Variants in PCTP observed in about 807,000 individuals in gnomAD.
PCTP encodes phosphatidylcholine transfer protein.
Under a neutral mutation model 31.0 loss-of-function variants are expected in PCTP, and 27 were observed. The ratio of observed to expected loss-of-function variants is 0.87; its 90% CI spans 0.64 to 1.20. The LOEUF is 1.20. PCTP is among the 50% of genes most tolerant of loss of function. The pLI, the probability that PCTP is intolerant of heterozygous loss-of-function variation, is 0.00. For missense variants in PCTP, 287 were observed against 268.2 expected (o/e 1.07, Z -0.49); for synonymous variants, 108 against 101.2 (o/e 1.07, Z -0.40).
intron 3 of PCTP, among the ~76,000 whole-genome samples, chr17:55,788,585 G>A (rs887809395): frequency 1.3e-5 from 2 of 152,084 alleles, no homozygotes; most frequent in African/African-American, 4.8e-5. Flanking sequence ...TTATAATTAT[G>A]TATAGACTTA....
intron 3 of PCTP, among the ~76,000 whole-genome samples, chr17:55,788,437 G>T (rs1911829006): frequency 6.6e-6 from 1 of 152,084 alleles, no homozygotes; most frequent in Non-Finnish European, 1.5e-5. Context: ...TACTTATGGG[G>T]ATTATGTTAT....
downstream of PCTP, among the ~76,000 whole-genome samples, chr17:55,781,775 C>T (rs1202181783): frequency 6.6e-6 from 1 of 152,058 alleles, no homozygotes; most frequent in Non-Finnish European, 1.5e-5. Context: ...CCTAGGAAAA[C>T]GGGTTACTCC....
the PCTP span, among the ~76,000 whole-genome samples, chr17:55,849,952 G>A: frequency 6.6e-6 from 1 of 151,818 alleles, no homozygotes; most frequent in African/African-American, 2.4e-5. Context: ...AGTGGATTTT[G>A]GTTTATATTA....
exon 4 of PCTP, chr17:55,823,028 G>A (rs995687047): frequency 1.4e-5 from 5 of 354,698 alleles, no homozygotes; most frequent in Non-Finnish European, 2.5e-5. Context: ...ATTCACAGAT[G>A]TGTTCACTAT....
intron 2 of PCTP, 131 bp from the exon 3 acceptor site, chr17:55,770,975 G>T: frequency 9.6e-6 from 6 of 624,632 alleles, no homozygotes; most frequent in East Asian, 2.9e-5. Context: ...TTGAGCAATT[G>T]ACTCACCTTG....
rs370999589 is a variant in PCTP, at chr17:55,771,198, C to G, written c.339+13C>G. On this transcript the variant is annotated intron_variant, in intron 3 of 5. Transcript: ENST00000268896. Reference sequence around the variant, plus strand: ...GTCCAACAGAGACGTATCCTTTCCACAAGGTACTCATTCCCTGGCCCTCTA... The same window carrying G: ...GTCCAACAGAGACGTATCCTTTCCAGAAGGTACTCATTCCCTGGCCCTCTA... 6.3e-7 allele frequency: 1 copy of G among 1,583,920 alleles called. No individual in the cohort carries two copies. The highest frequency in any genetic ancestry group is 2.2e-5 in the East Asian group (1 of 44,764).
intron 3 of PCTP, among the ~76,000 whole-genome samples, chr17:55,792,172 G>A (rs182392014): frequency 3.1e-4 from 34 of 109,826 alleles, no homozygotes; most frequent in African/African-American, 1.2e-3. Context: ...GGGGGGAGGG[G>A]GGAGGGTTAG....
chr17:55,846,032 G>C (rs781621067), downstream of PCTP, among the ~76,000 whole-genome samples: 19 of 151,888 alleles, frequency 1.3e-4, no homozygotes, highest in Non-Finnish European at 2.2e-4. Flanking sequence ...TGTAGGTTCA[G>C]GTTTTTCTTT....
chr17:55,792,305 A>G (rs1462309618), intron 3 of PCTP, among the ~76,000 whole-genome samples: 1 of 145,396 alleles, frequency 6.9e-6, no homozygotes, highest in East Asian at 1.9e-4. Flanking sequence ...TTAAAGTATA[A>G]TAATAATAAA....
At chr17:55,786,169 A>G (rs1911737491) in intron 2 of PCTP, among the ~76,000 whole-genome samples, 1 of 143,602 alleles carries the variant, frequency 7.0e-6, no homozygotes, top group South Asian at 2.1e-4. Flanking sequence ...CTGTAATCCC[A>G]GCTACTCGGG....
At chr17:55,753,317 T>G (rs1240570242) in intron 1 of PCTP, among the ~76,000 whole-genome samples, 1 of 152,214 alleles carries the variant, frequency 6.6e-6, no homozygotes, top group Non-Finnish European at 1.5e-5. Flanking sequence ...TGAGAAGCAG[T>G]GATCTTATCA....
chr17:55,774,383 GAGTGTGGCCTTGAGTCCTAGGCAAAA>G (rs1911189834), intron 4 of PCTP, among the ~76,000 whole-genome samples: 1 of 152,218 alleles, frequency 6.6e-6, no homozygotes, highest in Non-Finnish European at 1.5e-5. Context: ...CTACCAGAAT[GAGTGTGGCCTTGAGTCCTAGGCAAAA>G]ATCTGAACTA....
At chr17:55,790,683 T>C (rs1366860275) in intron 3 of PCTP, among the ~76,000 whole-genome samples, 1 of 151,640 alleles carries the variant, frequency 6.6e-6, no homozygotes, top group African/African-American at 2.4e-5. Flanking sequence ...GAACATTCCA[T>C]GCACATGGGT....
At chr17:55,843,998 T>C (rs1022620025), downstream of PCTP, among the ~76,000 whole-genome samples, 1 of 152,312 alleles carries the variant, frequency 6.6e-6, no homozygotes, top group African/African-American at 2.4e-5. Flanking sequence ...CAGTTTACCA[T>C]GAGAGCCTAC....
At chr17:55,766,175 C>T (rs1040580189) in intron 1 of PCTP, among the ~76,000 whole-genome samples, 1 of 152,050 alleles carries the variant, frequency 6.6e-6, no homozygotes, top group African/African-American at 2.4e-5. Context: ...AGGGCCTGCA[C>T]CTGCTTTTTT....
chr17:55,777,175 A>G lies in PCTP; in HGVS notation c.*1075A>G, dbSNP rs897313610. 3.9e-5 allele frequency: 38 copies of G among 985,504 alleles called. No individual in the cohort carries two copies. Among genetic ancestry groups the G allele is most frequent in the East Asian group, 1.1e-4 (1 of 8,822 alleles). The allele number at this position is 985,504 out of a possible 1,614,324, so 61.0% of individuals were successfully genotyped here. On this transcript the variant is annotated 3_prime_UTR_variant, in exon 6 of 6. Coordinates refer to ENST00000268896, the MANE Select transcript of PCTP (RefSeq NM_021213.4). Reference sequence around the variant, plus strand: ...AATTTTGGTAGGGTAAGGTATTTCTATGTCAAAGGCACAGCCTTGATGATC... The same window carrying G: ...AATTTTGGTAGGGTAAGGTATTTCTGTGTCAAAGGCACAGCCTTGATGATC...
chr17:55,785,325 T>C (rs1381242354), intron 2 of PCTP, among the ~76,000 whole-genome samples: 1 of 152,170 alleles, frequency 6.6e-6, no homozygotes, highest in Non-Finnish European at 1.5e-5. Flanking sequence ...ACTAAATCCT[T>C]CCAACAGCCT....
At chr17:55,845,249 G>T (rs1254633831), downstream of PCTP, among the ~76,000 whole-genome samples, 1 of 152,146 alleles carries the variant, frequency 6.6e-6, no homozygotes, top group African/African-American at 2.4e-5. Flanking sequence ...GCCAATAGGT[G>T]TTTATTTTGA....
At chr17:55,838,845 A>G (rs1905862839) in intron 5 of PCTP, among the ~76,000 whole-genome samples, 1 of 152,164 alleles carries the variant, frequency 6.6e-6, no homozygotes, top group Admixed American at 6.5e-5. Flanking sequence ...GAGCTATTTA[A>G]CCTATCCAGT....
Sources: gnomAD v4.1 joint callset for allele counts (sites outside exome capture counted in the v4.1 genomes callset) on GRCh38, gnomAD v4.1.1 for gene constraint, MANE v1.5 for transcripts, NCBI Gene and HGNC (gene_info 2026-07-23, HGNC 2026-07-21) for gene names.